DNAH7: variants seen among roughly 807,000 people sequenced by gnomAD.
DNAH7 encodes dynein axonemal heavy chain 7.
Under a neutral mutation model 444.6 loss-of-function variants are expected in DNAH7, and 397 were observed. The ratio of observed to expected loss-of-function variants is 0.89; its 90% CI spans 0.82 to 0.97. DNAH7 has a LOEUF of 0.97. DNAH7 is among the 50% of genes least tolerant of loss of function. The pLI is 0.00. For missense variants in DNAH7, 4,902 were observed against 4,800.8 expected (o/e 1.02, Z -0.62); for synonymous variants, 1,636 against 1,624.4 (o/e 1.01, Z -0.17).
chr2:195,882,170 G>T (rs908890794), intron 35 of DNAH7, among the ~76,000 whole-genome samples, 178 bp from the exon 36 acceptor site: 1 of 152,180 alleles, frequency 6.6e-6, no homozygotes, highest in African/African-American at 2.4e-5. Flanking sequence ...AAATTAAGGA[G>T]AAACTAGCTT....
intron 10 of DNAH7, among the ~76,000 whole-genome samples, chr2:196,009,916 C>T (rs1449044783): frequency 6.6e-6 from 1 of 152,184 alleles, no homozygotes; most frequent in Non-Finnish European, 1.5e-5. Flanking sequence ...GAATGCCCAA[C>T]ATTCCTATTC....
At chr2:195,889,057 T>C in intron 31 of DNAH7, 76 bp from the exon 32 acceptor site, 1 of 1,371,220 alleles carries the variant, frequency 7.3e-7, no homozygotes, top group Non-Finnish European at 1.0e-6. Flanking sequence ...TAATATTATT[T>C]CAAAATTTTA....
At chr2:195,846,066 T>C (rs112637739) in intron 46 of DNAH7, among the ~76,000 whole-genome samples, 4,878 of 152,048 alleles carry the variant, frequency 0.032, 95 homozygotes, top group Middle Eastern at 0.054. Flanking sequence ...GCAGAGTAAA[T>C]AGACAACCTA....
intron 2 of DNAH7, among the ~76,000 whole-genome samples, 196 bp from the exon 3 acceptor site, chr2:196,051,445 T>A (rs759252288): frequency 2.7e-4 from 41 of 152,196 alleles, no homozygotes; most frequent in Non-Finnish European, 4.6e-4. Context: ...TAAAGGAAAA[T>A]TATATCCAGC....
chr2:195,884,400 A>T (rs989753566), intron 35 of DNAH7, among the ~76,000 whole-genome samples, 185 bp downstream of exon 35: 1 of 152,212 alleles, frequency 6.6e-6, no homozygotes, highest in African/African-American at 2.4e-5. Context: ...ACAGAAAGAA[A>T]GTGACTTTAC....
chr2:195,792,025 G>C (rs1311071830), intron 57 of DNAH7, among the ~76,000 whole-genome samples: 1 of 151,948 alleles, frequency 6.6e-6, no homozygotes, highest in Non-Finnish European at 1.5e-5. Flanking sequence ...AAATTAGCCA[G>C]GTGTGGTGGT....
At position 195,897,669 on chromosome 2, in the gene DNAH7, CAA is replaced by C. The variant is rs769594018; in HGVS notation, c.4643_4644del (p.Phe1548Ter). On this transcript the variant is annotated frameshift_variant, in exon 29 of 65. Transcript: ENST00000312428. LOFTEE classifies it high-confidence loss of function. ...PKFLSHDLPL[F>X]EGITSDLFPG... The stretch of plus-strand genomic sequence containing the variant: ...ATTGGGATAATGAATGTTCTTACCT[CAA>C]AGAGTGGTAAATCATGGGATAAAAA... 5.1e-6 allele frequency: 8 copies of C among 1,564,324 alleles called. No individual in the cohort carries two copies. The highest frequency in any genetic ancestry group is 1.7e-4 in the Middle Eastern group (1 of 5,882).
At chr2:196,062,144 T>G (rs1698166469) in intron 1 of DNAH7, among the ~76,000 whole-genome samples, 1 of 152,194 alleles carries the variant, frequency 6.6e-6, no homozygotes, top group African/African-American at 2.4e-5. Flanking sequence ...ACCACATCCT[T>G]TGCTCCCAGC....
chr2:195,946,454 C>T (rs186268813), intron 19 of DNAH7, among the ~76,000 whole-genome samples: 1 of 152,252 alleles, frequency 6.6e-6, no homozygotes, highest in East Asian at 1.9e-4. Context: ...GCAGCCAGAC[C>T]TGTGTTGGAT....
At chr2:195,944,377 C>T (rs184942014) in intron 19 of DNAH7, among the ~76,000 whole-genome samples, 1 of 152,298 alleles carries the variant, frequency 6.6e-6, no homozygotes, top group African/African-American at 2.4e-5. Flanking sequence ...CTCACAGCTC[C>T]TTGACTAGCA....
chr2:195,758,985 C>T (rs1262739415), intron 61 of DNAH7, among the ~76,000 whole-genome samples: 1 of 152,224 alleles, frequency 6.6e-6, no homozygotes, highest in East Asian at 1.9e-4. Flanking sequence ...AATTCCTAGG[C>T]AAGGCCTAGT....
In DNAH7 at chr2:195,875,826, A is replaced by G. The variant is rs1307189967; in HGVS notation, c.6135T>C (p.Asp2045=). 3.7e-6 allele frequency: 6 copies of G among 1,601,278 alleles called. No individual in the cohort carries two copies. Among genetic ancestry groups the G allele is most frequent in the African/African-American group, 1.3e-5 (1 of 74,214 alleles). Residue 2045 remains aspartate (D), a synonymous_variant, in exon 38 of 65, where the codon GAT becomes GAC. Transcript: ENST00000312428. ...ATACCTCCCGAGCAGGCATATTGACATCATCTACAAAGACAACCTGAGAAT... is the reference window on the plus strand; with the variant it reads ...ATACCTCCCGAGCAGGCATATTGACGTCATCTACAAAGACAACCTGAGAAT... The part of the protein sequence containing the change: ...LGKRMVVFVD[D]VNMPAREVYG...
intron 15 of DNAH7, among the ~76,000 whole-genome samples, chr2:195,973,692 G>A (rs1308114330): frequency 2.0e-5 from 3 of 151,990 alleles, no homozygotes; most frequent in African/African-American, 4.8e-5. Flanking sequence ...GGCTGATCTC[G>A]AACTCCTAAT....
chr2:196,067,649 T>C (rs1698500832), intron 1 of DNAH7, among the ~76,000 whole-genome samples: 2 of 152,218 alleles, frequency 1.3e-5, no homozygotes, highest in African/African-American at 4.8e-5. Flanking sequence ...AATCAGGATC[T>C]TCACATAGTT....
At chr2:195,751,546 A>AT (rs1693798314) in intron 63 of DNAH7, among the ~76,000 whole-genome samples, 1 of 152,218 alleles carries the variant, frequency 6.6e-6, no homozygotes, top group South Asian at 2.1e-4. Flanking sequence ...AATACATAAA[A>AT]TAATTACAGT....
chr2:195,783,920 T>C (rs1424361808), intron 58 of DNAH7, among the ~76,000 whole-genome samples: 1 of 152,196 alleles, frequency 6.6e-6, no homozygotes, highest in East Asian at 1.9e-4. Flanking sequence ...TTGTACTTTT[T>C]TTTTTTAAGA....
Position 195,769,995 on chromosome 2 carries a change from C to G in DNAH7, c.11433+1665G>C, listed in dbSNP as rs75676815. Among the ~76,000 whole-genome samples the G allele has an allele frequency of 2.0e-5, 3 of 152,284 alleles. No individual in the cohort carries two copies. In the East Asian group the frequency reaches 5.8e-4, roughly 29 times the overall value. ...AAATATAATTCTTGATTTTCTACAT[C>G]AAATCTGTTCCTTGCCCAGACTTTC... On this transcript the variant is annotated intron_variant, in intron 61 of 64. Transcript: ENST00000312428.
rs778140194 is a variant in DNAH7 at position 196,026,804 on chromosome 2, T to A, written c.623A>T (p.Asp208Val). Residue 208 changes from aspartate to valine, a missense_variant, in exon 7 of 65, where the codon GAT (aspartate) becomes GTT (valine). Asp to Val is a radical substitution (Grantham distance 152). Transcript: ENST00000312428. ...AAGAAGATAATCCTCTCTCATTTCA[T>A]CAGATAATGTAACTATGCTGTCAGT... ...VFTDSIVTLS[D>V]EMREDYLLSV... 6.2e-7 allele frequency: 1 copy of A among 1,612,510 alleles called. No homozygotes were observed.
chr2:195,819,414 A>G (rs1697361274), intron 49 of DNAH7, among the ~76,000 whole-genome samples: 1 of 152,200 alleles, frequency 6.6e-6, no homozygotes, highest in Non-Finnish European at 1.5e-5. Flanking sequence ...TTGAATGAAC[A>G]ATCAGAATGC....
Sources: allele counts gnomAD v4.1 joint callset (sites outside exome capture counted in the v4.1 genomes callset), GRCh38; gene constraint gnomAD v4.1.1; transcripts MANE v1.5; gene names NCBI Gene and HGNC (gene_info 2026-07-23, HGNC 2026-07-21).